Variants in PARD3B observed in about 807,000 individuals in gnomAD.
The protein encoded by PARD3B is partitioning defective 3 homolog B.
A neutral mutation model predicts 130.2 loss-of-function variants in PARD3B; 103 were observed. That is an observed-to-expected ratio of 0.79 (90% CI 0.67 to 0.93). PARD3B has a LOEUF of 0.93. Among genes scored for constraint, PARD3B ranks in the 40% least tolerant of loss-of-function variants. The probability of loss-of-function intolerance (pLI) is 0.00; values close to 1 mark genes in which losing one functional copy is unlikely to be tolerated. For missense variants in PARD3B, 1,609 were observed against 1,499.2 expected, an observed-to-expected ratio of 1.07 and a Z score of -1.21; for synonymous variants, 583 against 553.2, an observed-to-expected ratio of 1.05 and a Z score of -0.76.
intron 2 of PARD3B, among the ~76,000 whole-genome samples, chr2:204,731,035 C>T (rs1311197301): frequency 6.6e-6 from 1 of 152,138 alleles, no homozygotes; most frequent in Non-Finnish European, 1.5e-5. Flanking sequence ...TTATTTGATG[C>T]ACTGTAAGAT....
intron 10 of PARD3B, among the ~76,000 whole-genome samples, chr2:205,138,473 A>T (rs182723639): frequency 3.3e-4 from 51 of 152,310 alleles, no homozygotes; most frequent in African/African-American, 1.2e-3. Flanking sequence ...ATTGGCATTG[A>T]AGAATAGAAG....
chr2:204,741,411 A>G (rs1355894625), intron 2 of PARD3B, among the ~76,000 whole-genome samples: 1 of 152,104 alleles, frequency 6.6e-6, no homozygotes, highest in African/African-American at 2.4e-5. Context: ...CCAAATCTTC[A>G]TGGGTCTTGA....
chr2:205,601,246 A>G (rs751075870), intron 22 of PARD3B, among the ~76,000 whole-genome samples: 7 of 152,208 alleles, frequency 4.6e-5, no homozygotes, highest in Non-Finnish European at 8.8e-5. Context: ...TATTTCTCTA[A>G]CAATCAATGA....
intron 2 of PARD3B, among the ~76,000 whole-genome samples, chr2:204,872,055 A>G (rs2045649137): frequency 6.6e-6 from 1 of 152,116 alleles, no homozygotes; most frequent in Non-Finnish European, 1.5e-5. Context: ...ACACCCGGCT[A>G]CATATATACC....
At chr2:204,960,247 A>G (rs1690627181) in intron 2 of PARD3B, among the ~76,000 whole-genome samples, 1 of 152,208 alleles carries the variant, frequency 6.6e-6, no homozygotes, top group South Asian at 2.1e-4. Flanking sequence ...ATTGGCAGAT[A>G]GCTGGGTGAG....
chr2:205,383,051 A>G (rs145316189), intron 18 of PARD3B, among the ~76,000 whole-genome samples: 222 of 128,226 alleles, frequency 1.7e-3, no homozygotes, highest in African/African-American at 5.5e-3. Flanking sequence ...TTGTTTCTAG[A>G]CTCTCTCAGG....
chr2:204,851,105 G>A (rs74690459), intron 2 of PARD3B, among the ~76,000 whole-genome samples: 8,409 of 152,186 alleles, frequency 0.055, 349 homozygotes, highest in Admixed American at 0.092. Flanking sequence ...GTCGATGTTC[G>A]AAGCCATTAT....
chr2:205,537,377 A>T (rs1028890609), intron 21 of PARD3B, among the ~76,000 whole-genome samples: 1 of 152,128 alleles, frequency 6.6e-6, no homozygotes, highest in Non-Finnish European at 1.5e-5. Flanking sequence ...TAATCATGGC[A>T]AGTGTTGGTT....
chr2:205,538,626 GTC>G (rs1257197284), intron 21 of PARD3B, among the ~76,000 whole-genome samples: 1 of 152,034 alleles, frequency 6.6e-6, no homozygotes, highest in African/African-American at 2.4e-5. Context: ...CTGTCTATCT[GTC>G]TCTCCTTTCT....
At chr2:204,829,498 G>A (rs779273885) in intron 2 of PARD3B, among the ~76,000 whole-genome samples, 4 of 152,186 alleles carry the variant, frequency 2.6e-5, no homozygotes, top group Non-Finnish European at 5.9e-5. Context: ...ATAGGAGGTA[G>A]CCATTAATAT....
intron 2 of PARD3B, among the ~76,000 whole-genome samples, chr2:204,940,101 G>A (rs1688789235): frequency 6.6e-6 from 1 of 152,172 alleles, no homozygotes; most frequent in African/African-American, 2.4e-5. Flanking sequence ...GAGCTTACTA[G>A]GCTCTGTGGA....
In PARD3B at chr2:205,615,898, T is replaced by A; in HGVS notation, c.*85T>A. On this transcript the variant is annotated 3_prime_UTR_variant, in exon 23 of 23. Coordinates refer to ENST00000406610, the MANE Select transcript of PARD3B (RefSeq NM_001302769.2). ...TTTCTAAACCTGAAGACCTCCTTGG[T>A]GTTAGGAATTCTCCATGTTACTGAT... The A allele has an allele frequency of 8.7e-7, 1 of 1,150,398 alleles. No homozygotes were observed. Among genetic ancestry groups the A allele is most frequent in the Non-Finnish European group, 1.2e-6 (1 of 800,172 alleles). The allele number at this position is 1,150,398 out of a possible 1,614,324, so 71.3% of individuals were successfully genotyped here.
chr2:205,516,970 A>G (rs997926312), intron 21 of PARD3B, among the ~76,000 whole-genome samples: 2 of 152,200 alleles, frequency 1.3e-5, no homozygotes, highest in Admixed American at 6.5e-5. Flanking sequence ...AGTTTTTAAC[A>G]TGAAGGGGTA....
intron 2 of PARD3B, among the ~76,000 whole-genome samples, chr2:204,863,396 C>A (rs895413500): frequency 6.6e-6 from 1 of 152,198 alleles, no homozygotes; most frequent in Non-Finnish European, 1.5e-5. Context: ...GAGACCCCCA[C>A]AACCACTTCT....
chr2:204,637,987 C>T (rs114935991), intron 1 of PARD3B, among the ~76,000 whole-genome samples: 2,498 of 152,176 alleles, frequency 0.016, 65 homozygotes, highest in African/African-American at 0.057. Flanking sequence ...TACTTTCTTA[C>T]GGCATTATCC....
At chr2:204,996,755 C>CG (rs1165739415) in intron 3 of PARD3B, among the ~76,000 whole-genome samples, 1 of 149,346 alleles carries the variant, frequency 6.7e-6, no homozygotes, top group Non-Finnish European at 1.5e-5. Context: ...TAGGACCCTC[C>CG]GAGCCAGGTG....
Position 204,852,259 on chromosome 2 carries a change from C to T in PARD3B, c.223-112893C>T, listed in dbSNP as rs73068621. 7.2e-3 allele frequency among the ~76,000 whole-genome samples: 1,084 copies of T among 151,094 alleles called. 7 individuals carry two copies. Among genetic ancestry groups the T allele is most frequent in the African/African-American group, 0.025 (1,017 of 41,242 alleles). The stretch of plus-strand genomic sequence containing the variant: ...TTAAATTCCAGTGGAGTTCAGTGCT[C>T]TTTAATTTTCATTATTGCCCTGTGG... On this transcript the variant is annotated intron_variant, in intron 2 of 22. Coordinates refer to ENST00000406610, the MANE Select transcript of PARD3B (RefSeq NM_001302769.2).
rs902908843 is a variant in PARD3B at position 205,291,922 on chromosome 2, T to G, written c.2186-8608T>G. 6.6e-6 allele frequency among the ~76,000 whole-genome samples: 1 copy of G among 152,150 alleles called. No homozygotes were observed. Among genetic ancestry groups the G allele is most frequent in the Non-Finnish European group, 1.5e-5 (1 of 68,028 alleles). On this transcript the variant is annotated intron_variant, in intron 16 of 22. Transcript: ENST00000406610. The surrounding 1 kb of genome is among the most constrained non-coding windows in gnomAD (Gnocchi z 4.6). The stretch of plus-strand genomic sequence containing the variant: ...ATGGAAGAATGACTCTGAAGGCAAT[T>G]CAGTGATCATCAGGACAATCCTTCC...
intron 3 of PARD3B, among the ~76,000 whole-genome samples, chr2:204,973,536 G>T (rs1691887041): frequency 6.9e-6 from 1 of 145,250 alleles, no homozygotes. Context: ...GTGTATGTGT[G>T]ATTTTTTAAA....
Sources: allele counts gnomAD v4.1 joint callset (sites outside exome capture counted in the v4.1 genomes callset), GRCh38; gene constraint gnomAD v4.1.1; non-coding constraint Gnocchi (gnomAD v3.1); transcripts MANE v1.5; gene names NCBI Gene and HGNC (gene_info 2026-07-23, HGNC 2026-07-21).